Variants in POTEE observed in about 807,000 individuals in gnomAD.
POTEE encodes ANKRD26-like family C member 1A.
POTEE carries 21 observed loss-of-function variants against 74.2 expected under a neutral mutation model. The ratio of observed to expected loss-of-function variants is 0.28; its 90% CI spans 0.20 to 0.41. POTEE has a LOEUF of 0.41. Ranked by LOEUF, POTEE falls within the 10% of genes least tolerant of loss-of-function variation. The pLI is 1.00. For synonymous variants in POTEE, 211 were observed against 432.8 expected (o/e 0.49, Z 6.36); for missense variants, 525 against 1,158.6 (o/e 0.45, Z 7.94).
Position 131,218,422 on chromosome 2 carries a change from C to T in POTEE, c.20C>T (p.Ser7Phe). MVVEVD[S>F]MPAASSVKKP... is the part of the protein sequence containing the mutation. ...AAGCAGATGGTGGTTGAGGTTGATT[C>T]CATGCCGGCTGCCTCTTCTGTGAAG... The change falls in exon 4 of 18, where the codon TCC (serine) becomes TTC (phenylalanine). Residue 7 changes from serine (S) to phenylalanine (F), a missense_variant. Ser to Phe is a radical substitution (Grantham distance 155, BLOSUM62 -2). Transcript: ENST00000683005. The T allele has an allele frequency of 3.7e-6, 6 of 1,613,056 alleles. No homozygotes were observed. The highest frequency in any genetic ancestry group is 4.2e-6 in the Non-Finnish European group (5 of 1,179,780).
intron 10 of POTEE, among the ~76,000 whole-genome samples, chr2:131,237,331 T>C (rs112312412): frequency 6.7e-6 from 1 of 148,850 alleles, no homozygotes; most frequent in African/African-American, 2.5e-5. Context: ...TGTCAGTCAC[T>C]GTGATACCAA....
intron 8 of POTEE, among the ~76,000 whole-genome samples, chr2:131,229,877 C>T (rs1481571062): frequency 8.6e-5 from 13 of 152,018 alleles, no homozygotes; most frequent in East Asian, 5.8e-4. Context: ...ATAACATGTT[C>T]GGTGCAAAAT....
intron 9 of POTEE, 141 bp downstream of exon 9, chr2:131,231,047 T>C (rs1700938091): frequency 4.5e-6 from 3 of 669,292 alleles, no homozygotes; most frequent in Non-Finnish European, 7.7e-6. Flanking sequence ...ATGTTACATT[T>C]ATTGTGCTAC....
chr2:131,218,140 G>A, intron 3 of POTEE, 170 bp from the exon 4 acceptor site: 1 of 715,120 alleles, frequency 1.4e-6, no homozygotes, highest in Non-Finnish European at 2.3e-6. Flanking sequence ...GGGGGCGGGG[G>A]TTGGCCCTTT....
At chr2:131,256,774 A>G (rs1357843403) in intron 16 of POTEE, among the ~76,000 whole-genome samples, 5 of 140,332 alleles carry the variant, frequency 3.6e-5, no homozygotes, top group Non-Finnish European at 6.2e-5. Flanking sequence ...ATGTACCAGC[A>G]CGATTCCTAA....
rs1487913760 is a variant in POTEE, at chr2:131,263,513, G to A, written c.2058G>A (p.Lys686=). ...AGGATATTGAAAGTGTGAAAAAAAA[G>A]AATGATAATCTTTTAAAGGCTCTAC... ...YLEDIESVKK[K]NDNLLKALQL... Residue 686 remains lysine, a synonymous_variant, in exon 18 of 18, where the codon AAG becomes AAA. Transcript: ENST00000683005. The A allele has an allele frequency of 3.1e-6, 5 of 1,611,444 alleles. No homozygotes were observed. The highest frequency in any genetic ancestry group is 3.4e-6 in the Non-Finnish European group (4 of 1,179,578).
intron 4 of POTEE, among the ~76,000 whole-genome samples, chr2:131,221,168 A>G (rs1487352069): frequency 2.6e-5 from 4 of 152,134 alleles, no homozygotes; most frequent in Non-Finnish European, 5.9e-5. Flanking sequence ...ATCTTTACCA[A>G]ATAGATGTCT....
intron 4 of POTEE, among the ~76,000 whole-genome samples, chr2:131,222,280 C>T (rs1700643899): frequency 6.6e-6 from 1 of 152,206 alleles, no homozygotes; most frequent in Non-Finnish European, 1.5e-5. Flanking sequence ...GTGTTGAAAG[C>T]CATTATCCTT....
intron 2 of POTEE, among the ~76,000 whole-genome samples, chr2:131,215,220 TTAGATAA>T (rs1251530265): frequency 6.6e-6 from 1 of 152,154 alleles, no homozygotes; most frequent in Non-Finnish European, 1.5e-5. Flanking sequence ...CATTTAAACG[TTAGATAA>T]TAGATATGTT....
Position 131,218,553 on chromosome 2 carries a change from G to A in POTEE, c.151G>A (p.Asp51Asn), listed in dbSNP as rs376412698. 103 of 1,612,636 alleles carry A rather than the reference G, an allele frequency of 6.4e-5. No individual in the cohort carries two copies. The African/African-American group carries it at 9.4e-4, about 15-fold the overall frequency. ...CGTGGGCACTTCTGGAGACCACGACGACTCTGCTATGAAGACACTCAGGAG... is the reference window on the plus strand; with the variant it reads ...CGTGGGCACTTCTGGAGACCACGACAACTCTGCTATGAAGACACTCAGGAG... Reference protein sequence around the residue: ...SNVGTSGDHDDSAMKTLRSKM... With the variant: ...SNVGTSGDHDNSAMKTLRSKM... Residue 51 changes from aspartate (D) to asparagine (N), a missense_variant, in exon 4 of 18, where the codon GAC becomes AAC. By Grantham distance (23) the Asp-to-Asn change is conservative. Coordinates refer to ENST00000683005, the MANE Select transcript of POTEE (RefSeq NM_001083538.3).
At chr2:131,215,157 C>T (rs1573692998) in intron 2 of POTEE, among the ~76,000 whole-genome samples, 1 of 151,712 alleles carries the variant, frequency 6.6e-6, no homozygotes, top group Admixed American at 6.6e-5. Flanking sequence ...TTTTTACTTT[C>T]TTCAGCATTT....
chr2:131,210,505 C>T (rs561888405), intron 1 of POTEE, among the ~76,000 whole-genome samples: 3 of 151,850 alleles, frequency 2.0e-5, no homozygotes, highest in African/African-American at 7.3e-5. Context: ...CAGCCATGGT[C>T]TCCTTGCTCC....
At chr2:131,232,767 C>G (rs533599832) in intron 9 of POTEE, among the ~76,000 whole-genome samples, 2 of 151,830 alleles carry the variant, frequency 1.3e-5, no homozygotes, top group African/African-American at 4.8e-5. Context: ...GTGCTGTTGA[C>G]AGTGTTTTAT....
chr2:131,235,603 G>A (rs1701103881), intron 9 of POTEE, among the ~76,000 whole-genome samples: 1 of 151,792 alleles, frequency 6.6e-6, no homozygotes. Flanking sequence ...GGACCATCAT[G>A]GCCAATGGTG....
At chr2:131,243,565 TTTGA>T (rs1701293285) in intron 12 of POTEE, among the ~76,000 whole-genome samples, 1 of 152,190 alleles carries the variant, frequency 6.6e-6, no homozygotes, top group Non-Finnish European at 1.5e-5. Context: ...GTGTATATTG[TTTGA>T]TTGATTCTCA....
In POTEE at chr2:131,218,506, A is replaced by G. The variant is rs376224537; in HGVS notation, c.104A>G (p.Tyr35Cys). ...GKWCCRCFPC[Y>C]RESGKSNVGT... ...TGGTGCTGCCGTTGCTTCCCCTGCTACAGGGAGAGCGGCAAGAGCAACGTG... is the reference window on the plus strand; with the variant it reads ...TGGTGCTGCCGTTGCTTCCCCTGCTGCAGGGAGAGCGGCAAGAGCAACGTG... Residue 35 changes from tyrosine to cysteine, a missense_variant, in exon 4 of 18, where the codon TAC (tyrosine) becomes TGC (cysteine). Coordinates refer to ENST00000683005, the MANE Select transcript of POTEE (RefSeq NM_001083538.3). 5,826 of 1,605,564 alleles carry G rather than the reference A, an allele frequency of 3.6e-3. 335 individuals carry two copies. In the African/African-American group the frequency reaches 0.071, roughly 20 times the overall value.
rs1701844264 is a variant in POTEE, at chr2:131,264,466, C to CAGAATG, written c.3011_3012insAGAATG (p.Thr1004_Met1005insGluCys). 1 of 1,486,912 alleles carries CAGAATG rather than the reference C, an allele frequency of 6.7e-7. No individual in the cohort carries two copies. The highest frequency in any genetic ancestry group is 2.3e-5 in the East Asian group (1 of 42,960). The allele number at this position is 1,486,912 out of a possible 1,614,324, so 92.1% of individuals were successfully genotyped here. On this transcript the variant is annotated inframe_insertion, in exon 18 of 18. Coordinates refer to ENST00000683005, the MANE Select transcript of POTEE (RefSeq NM_001083538.3). ...AACACAGTGCTGTCTGGCGGCACCA[C>CAGAATG]CATGTACCCTGGCATGGCCCACAGA...
intron 4 of POTEE, among the ~76,000 whole-genome samples, chr2:131,222,834 C>G (rs1012027836): frequency 1.3e-5 from 2 of 151,452 alleles, no homozygotes; most frequent in South Asian, 2.1e-4. Flanking sequence ...TTCCATAGTT[C>G]TTTTAAGAAC....
chr2:131,225,201 A>G (rs951487607), intron 6 of POTEE, among the ~76,000 whole-genome samples: 1 of 152,070 alleles, frequency 6.6e-6, no homozygotes, highest in Admixed American at 6.6e-5. Context: ...CTTTTTCTGA[A>G]TATTTTGATA....
Sources: allele counts gnomAD v4.1 joint callset (sites outside exome capture counted in the v4.1 genomes callset), GRCh38; gene constraint gnomAD v4.1.1; transcripts MANE v1.5; gene names NCBI Gene and HGNC (gene_info 2026-07-23, HGNC 2026-07-21).